Variants in KDM1B observed in about 807,000 individuals in gnomAD.
KDM1B encodes lysine-specific histone demethylase 2.
A neutral mutation model predicts 107.4 loss-of-function variants in KDM1B; 63 were observed. The ratio of observed to expected loss-of-function variants is 0.59; its 90% CI spans 0.48 to 0.72. The LOEUF (loss-of-function observed/expected upper bound fraction) is 0.72. Ranked by LOEUF, KDM1B falls within the 30% of genes least tolerant of loss-of-function variation. The pLI is 0.00. For synonymous variants in KDM1B, 363 were observed against 363.9 expected (o/e 1.00, Z 0.03); for missense variants, 749 against 1,020.8 (o/e 0.73, Z 3.63).
chr6:18,207,005 G>A (rs214601), intron 15 of KDM1B, among the ~76,000 whole-genome samples: 53,142 of 151,990 alleles, frequency 0.35, 9,422 homozygotes, highest in South Asian at 0.48. Flanking sequence ...TGTGATTGGA[G>A]TCATGCTATT....
At chr6:18,220,845 C>A (rs1352413223) in intron 21 of KDM1B, among the ~76,000 whole-genome samples, 1 of 151,150 alleles carries the variant, frequency 6.6e-6, no homozygotes, top group East Asian at 2.0e-4. Flanking sequence ...GATCTTGGCT[C>A]ACTGCAACCT....
In KDM1B at chr6:18,162,880, T is replaced by C; in HGVS notation, c.261T>C (p.Cys87=). 1.2e-6 allele frequency: 2 copies of C among 1,612,712 alleles called. No homozygotes were observed. Among genetic ancestry groups the C allele is most frequent in the Non-Finnish European group, 1.7e-6 (2 of 1,178,686 alleles). Residue 87 remains cysteine (C), a synonymous_variant, in exon 5 of 22, where the codon TGT becomes TGC. Coordinates refer to ENST00000650836, the MANE Select transcript of KDM1B (RefSeq NM_001364614.2). The surrounding 1 kb of genome is among the most constrained non-coding windows in gnomAD (Gnocchi z 4.1). ...GYTSRWYHLS[C]GEHFCNECFD... is the part of the protein sequence containing the mutation. Reference sequence around the variant, plus strand: ...CCTCCCGATGGTATCATCTCTCCTGTGGGGAACATTTCTGTAATGAATGCT... The same window carrying C: ...CCTCCCGATGGTATCATCTCTCCTGCGGGGAACATTTCTGTAATGAATGCT...
At chr6:18,218,349 G>A (rs1009267851) in intron 21 of KDM1B, among the ~76,000 whole-genome samples, 5 of 151,846 alleles carry the variant, frequency 3.3e-5, no homozygotes, top group Admixed American at 6.6e-5. Context: ...CCTCAAACCC[G>A]TGGCCTTAAG....
At chr6:18,202,235 C>CA (rs546300753) in intron 14 of KDM1B, among the ~76,000 whole-genome samples, 16,090 of 142,196 alleles carry the variant, frequency 0.11, 1,209 homozygotes, top group African/African-American at 0.23. Flanking sequence ...CTTGTGTCTA[C>CA]AAAAAAAAAG....
chr6:18,208,772 G>A (rs1788603620), intron 17 of KDM1B, among the ~76,000 whole-genome samples: 2 of 145,364 alleles, frequency 1.4e-5, no homozygotes, highest in Middle Eastern at 3.5e-3. Flanking sequence ...AACCTCCCAA[G>A]TAGCTGGGAC....
chr6:18,213,296 C>T lies in KDM1B; in HGVS notation c.1984-360C>T, dbSNP rs972780880. Among the ~76,000 whole-genome samples the T allele has an allele frequency of 3.3e-5, 5 of 152,042 alleles. No individual in the cohort carries two copies. The highest frequency in any genetic ancestry group is 6.6e-5 in the Admixed American group (1 of 15,252). ...TACTAAAAATACAAAATTCGCTGGG[C>T]GTGGTGGTGTGCACCTGTAATCCCA... On this transcript the variant is annotated intron_variant, in intron 18 of 21. Coordinates refer to ENST00000650836, the MANE Select transcript of KDM1B (RefSeq NM_001364614.2). This position sits in a 1 kb window ranked among gnomAD's most constrained non-coding sequence, Gnocchi z 5.9.
chr6:18,184,703 TTGATGA>T (rs1786720163), intron 7 of KDM1B, among the ~76,000 whole-genome samples: 1 of 150,236 alleles, frequency 6.7e-6, no homozygotes, highest in Non-Finnish European at 1.5e-5. Flanking sequence ...CATTGTACTG[TTGATGA>T]CCTTTGGGTT....
At chr6:18,177,516 C>G (rs1030847461) in intron 7 of KDM1B, among the ~76,000 whole-genome samples, 1 of 148,520 alleles carries the variant, frequency 6.7e-6, no homozygotes, top group Admixed American at 6.7e-5. Flanking sequence ...TTGGTTTGTT[C>G]CTGTTTCTCT....
chr6:18,188,036 T>C (rs1361379817), intron 9 of KDM1B, 34 bp downstream of exon 9: 1 of 1,519,930 alleles, frequency 6.6e-7, no homozygotes. Context: ...CTGCTTTCTA[T>C]TCCCCGCTCC....
chr6:18,219,872 T>C (rs1170147453), intron 21 of KDM1B, among the ~76,000 whole-genome samples: 1 of 152,254 alleles, frequency 6.6e-6, no homozygotes, highest in Non-Finnish European at 1.5e-5. Flanking sequence ...TCATTGTTAG[T>C]TATGAAGGCT....
chr6:18,205,722 A>G lies in KDM1B; in HGVS notation c.1659+58A>G, dbSNP rs1439203913. The G allele has an allele frequency of 1.0e-4, 148 of 1,430,180 alleles. 2 individuals carry two copies. The East Asian group carries it at 4.0e-3, about 38-fold the overall frequency. 88.6% of individuals were successfully genotyped at this position (1,430,180 alleles called of 1,614,324 possible). ...AAAATACTTGGTTTAGGCCGGGCGC[A>G]GTGGCTCACGCCTGTAATCCCAGCA... On this transcript the variant is annotated intron_variant, in intron 15 of 21. Coordinates refer to ENST00000650836, the MANE Select transcript of KDM1B (RefSeq NM_001364614.2). This position sits in a 1 kb window ranked among gnomAD's most constrained non-coding sequence, Gnocchi z 5.7.
rs148087354 is a variant in KDM1B at position 18,161,328 on chromosome 6, C to T, written c.89C>T (p.Ala30Val). Residue 30 changes from alanine to valine, a missense_variant and splice_region_variant, in exon 4 of 22, where the codon GCG (alanine) becomes GTG (valine). Physicochemically the swap from Ala to Val is moderately conservative, Grantham distance 64 (BLOSUM62 0). Coordinates refer to ENST00000650836, the MANE Select transcript of KDM1B (RefSeq NM_001364614.2). Reference sequence around the variant, plus strand: ...TAACATCAGCTGTGACTCCCTTAGGCGAAGAAGAAAGCAACAGAGACAACA... The same window carrying T: ...TAACATCAGCTGTGACTCCCTTAGGTGAAGAAGAAAGCAACAGAGACAACA... ...SLPLRSSGRQ[A>V]KKKATETTDE... is the part of the protein sequence containing the mutation. 2.9e-5 allele frequency: 47 copies of T among 1,613,386 alleles called. No homozygotes were observed. In the African/African-American group the frequency reaches 3.7e-4, roughly 13 times the overall value.
chr6:18,220,775 C>T (rs1182187205), intron 21 of KDM1B, among the ~76,000 whole-genome samples: 4 of 150,976 alleles, frequency 2.6e-5, no homozygotes, highest in African/African-American at 9.7e-5. Context: ...CTCACCTTTT[C>T]CTTTTTTTTT....
At chr6:18,216,950 G>T (rs1302154903) in intron 20 of KDM1B, among the ~76,000 whole-genome samples, 1 of 152,198 alleles carries the variant, frequency 6.6e-6, no homozygotes, top group African/African-American at 2.4e-5. Context: ...GCGGGGAAGA[G>T]GGGACTGCTG....
intron 20 of KDM1B, among the ~76,000 whole-genome samples, chr6:18,217,337 G>A (rs1029081840): frequency 2.2e-4 from 34 of 151,884 alleles, no homozygotes; most frequent in African/African-American, 8.2e-4. Flanking sequence ...TAAACAGGGG[G>A]CAAAATGTAT....
rs1167529148 is a variant in KDM1B at position 18,203,679 on chromosome 6, C to A, written c.1532-1858C>A. 6.6e-6 allele frequency among the ~76,000 whole-genome samples: 1 copy of A among 152,034 alleles called. No homozygotes were observed. Among genetic ancestry groups the A allele is most frequent in the Admixed American group, 6.5e-5 (1 of 15,268 alleles). The stretch of plus-strand genomic sequence containing the variant: ...ACCAGCCTGGCTAACATGGTGAAAC[C>A]CTGTCTCTACTAATAATACAAAAAT... On this transcript the variant is annotated intron_variant, in intron 14 of 21. Coordinates refer to ENST00000650836, the MANE Select transcript of KDM1B (RefSeq NM_001364614.2). The surrounding 1 kb of genome is among the most constrained non-coding windows in gnomAD (Gnocchi z 5.5).
intron 10 of KDM1B, 120 bp from the exon 11 acceptor site, chr6:18,196,937 C>T: frequency 4.2e-6 from 4 of 952,752 alleles, no homozygotes; most frequent in Non-Finnish European, 4.8e-6. Context: ...TGAGCATCTG[C>T]CTTTGAGAAA....
intron 21 of KDM1B, among the ~76,000 whole-genome samples, chr6:18,221,595 T>C (rs751628803): frequency 7.9e-5 from 12 of 152,200 alleles, no homozygotes; most frequent in Non-Finnish European, 1.6e-4. Context: ...TCGCCTGTGA[T>C]TGTACCAGCT....
In KDM1B at chr6:18,217,755, AT is replaced by A; in HGVS notation, c.2259del (p.Phe753LeufsTer18). ...TAGGAGGTCCCAGATCCCACAAAGT[AT>A]TTTGTCACTCGGTGGAGCACAGACC... ...KEQEVPDPTKYFVTRWSTDPW... is the reference protein window; with the variant it reads ...KEQEVPDPTKXFVTRWSTDPW... On this transcript the variant is annotated frameshift_variant, in exon 21 of 22. Coordinates refer to ENST00000650836, the MANE Select transcript of KDM1B (RefSeq NM_001364614.2). LOFTEE classifies it high-confidence loss of function. 6.2e-7 allele frequency: 1 copy of A among 1,612,602 alleles called. No individual in the cohort carries two copies. The highest frequency in any genetic ancestry group is 8.5e-7 in the Non-Finnish European group (1 of 1,179,612).
Sources: gnomAD v4.1 joint callset for allele counts (sites outside exome capture counted in the v4.1 genomes callset) on GRCh38, gnomAD v4.1.1 for gene constraint, Gnocchi (gnomAD v3.1) non-coding constraint, MANE v1.5 for transcripts, NCBI Gene and HGNC (gene_info 2026-07-23, HGNC 2026-07-21) for gene names.